The following TMEFF1 variants were observed in gnomAD, a reference collection of about 807,000 sequenced individuals.
The protein encoded by TMEFF1 is tomoregulin-1.
TMEFF1 carries 20 observed loss-of-function variants against 47.5 expected under a neutral mutation model. The ratio of observed to expected loss-of-function variants is 0.42; its 90% CI spans 0.30 to 0.61. The LOEUF (loss-of-function observed/expected upper bound fraction) is 0.61, where lower values mean the gene tolerates loss of function less well. Among genes scored for constraint, TMEFF1 ranks in the 20% least tolerant of loss-of-function variants. The pLI is 0.19. For missense variants in TMEFF1, 411 were observed against 471.1 expected (o/e 0.87, Z 1.18); for synonymous variants, 162 against 166.3 (o/e 0.97, Z 0.20).
intron 7 of TMEFF1, among the ~76,000 whole-genome samples, chr9:100,560,725 C>T (rs1839000121): frequency 6.6e-6 from 1 of 152,162 alleles, no homozygotes; most frequent in Non-Finnish European, 1.5e-5. Flanking sequence ...AGATGTTCAT[C>T]AACATGTTGA....
intron 1 of TMEFF1, among the ~76,000 whole-genome samples, chr9:100,498,336 T>C (rs1260731702): frequency 6.6e-6 from 1 of 152,214 alleles, no homozygotes; most frequent in Non-Finnish European, 1.5e-5. Flanking sequence ...CATACCAAAA[T>C]AATTAAGATA....
chr9:100,506,042 A>G (rs1020181055), intron 2 of TMEFF1, among the ~76,000 whole-genome samples: 1 of 152,258 alleles, frequency 6.6e-6, no homozygotes, highest in African/African-American at 2.4e-5. Context: ...AAATAAAAAT[A>G]TAATTTTAAG....
chr9:100,550,175 A>G lies in TMEFF1; in HGVS notation c.775+15A>G. On this transcript the variant is annotated intron_variant, in intron 7 of 9. Transcript: ENST00000374879. The stretch of plus-strand genomic sequence containing the variant: ...AGATGTGAAAGGTACTGAATCATGC[A>G]TCTCCAAATTTTGGCCAGCTATGGA... 1.9e-6 allele frequency: 3 copies of G among 1,605,508 alleles called. No individual in the cohort carries two copies. Among genetic ancestry groups the G allele is most frequent in the Non-Finnish European group, 2.5e-6 (3 of 1,177,282 alleles).
Position 100,556,579 on chromosome 9 carries a change from A to G in TMEFF1, c.776-4818A>G, listed in dbSNP as rs185254249. Among the ~76,000 whole-genome samples, 275 of 152,312 alleles carry G rather than the reference A, an allele frequency of 1.8e-3. 1 individual carries two copies. Among genetic ancestry groups the G allele is most frequent in the Non-Finnish European group, 3.3e-3 (225 of 68,032 alleles). On this transcript the variant is annotated intron_variant, in intron 7 of 9. Transcript: ENST00000374879. Reference sequence around the variant, plus strand: ...AAGTTGAAGCGAGGTTTCATTCAACATAAAGAAAATCTGATGGTATTAGAA... The same window carrying G: ...AAGTTGAAGCGAGGTTTCATTCAACGTAAAGAAAATCTGATGGTATTAGAA...
chr9:100,496,048 C>T (rs1322128441), intron 1 of TMEFF1, among the ~76,000 whole-genome samples: 1 of 152,198 alleles, frequency 6.6e-6, no homozygotes, highest in African/African-American at 2.4e-5. Context: ...GCTCCTTTCT[C>T]CCCATGTATT....
At chr9:100,564,185 T>C (rs7850353) in intron 8 of TMEFF1, among the ~76,000 whole-genome samples, 37,605 of 152,026 alleles carry the variant, frequency 0.25, 5,381 homozygotes, top group African/African-American at 0.38. Flanking sequence ...AGCGATTCTC[T>C]TGCCTCAGCC....
chr9:100,543,824 C>A (rs1203068997), intron 5 of TMEFF1, among the ~76,000 whole-genome samples: 3 of 151,878 alleles, frequency 2.0e-5, no homozygotes, highest in African/African-American at 7.3e-5. Flanking sequence ...GTGGGTTGGA[C>A]AAGCTTGGCC....
At chr9:100,570,428 A>T (rs1839211509) in intron 8 of TMEFF1, among the ~76,000 whole-genome samples, 1 of 151,962 alleles carries the variant, frequency 6.6e-6, no homozygotes, top group African/African-American at 2.4e-5. Context: ...TTACGTTTAG[A>T]TCTGCGATCC....
intron 5 of TMEFF1, among the ~76,000 whole-genome samples, chr9:100,523,500 T>G (rs570820817): frequency 6.6e-4 from 101 of 152,332 alleles, no homozygotes; most frequent in African/African-American, 2.4e-3. Context: ...TTTGTTGAAT[T>G]AGTGGCAATC....
At position 100,547,590 on chromosome 9, in the gene TMEFF1, G is replaced by A. The variant is rs150291020; in HGVS notation, c.561-154G>A. On this transcript the variant is annotated intron_variant, in intron 5 of 9. Transcript: ENST00000374879. ...TAAATCCTCACCTAAAATTTTTTTA[G>A]GTATTTACTTTGCTTAAGCTTTCAT... 5.1e-3 allele frequency among the ~76,000 whole-genome samples: 777 copies of A among 152,092 alleles called. 4 individuals are homozygous for A. The highest frequency in any genetic ancestry group is 0.011 in the Admixed American group (174 of 15,280).
Position 100,473,982 on chromosome 9 carries a change from G to T in TMEFF1, c.196+242G>T, listed in dbSNP as rs1389755533. Among the ~76,000 whole-genome samples, 2 of 151,780 alleles carry T rather than the reference G, an allele frequency of 1.3e-5. No homozygotes were observed. Among genetic ancestry groups the T allele is most frequent in the African/African-American group, 4.9e-5 (2 of 41,234 alleles). On this transcript the variant is annotated intron_variant, in intron 1 of 9. Transcript: ENST00000374879. The surrounding 1 kb of genome is among the most constrained non-coding windows in gnomAD (Gnocchi z 5.4). ...CGAGTGGCTGGGCGAGGGCGGCCCG[G>T]CGTGTGGGGAGGCGGTGGGGCCGGG...
intron 1 of TMEFF1, among the ~76,000 whole-genome samples, chr9:100,491,912 G>A (rs1356483662): frequency 1.4e-5 from 2 of 141,674 alleles, no homozygotes; most frequent in Admixed American, 7.4e-5. Context: ...ACAGAGTCTC[G>A]CTCTGTAGCC....
chr9:100,512,413 T>C (rs188210804), intron 3 of TMEFF1, among the ~76,000 whole-genome samples: 97 of 152,286 alleles, frequency 6.4e-4, no homozygotes, highest in Admixed American at 1.4e-3. Flanking sequence ...GGGAACAATA[T>C]TGTTCTGAGT....
chr9:100,555,857 A>C (rs1046545265), intron 7 of TMEFF1, among the ~76,000 whole-genome samples: 2 of 152,164 alleles, frequency 1.3e-5, no homozygotes, highest in East Asian at 3.9e-4. Flanking sequence ...GTGCTTTCAC[A>C]TATTTATGTT....
At chr9:100,531,991 A>G (rs1838391089) in intron 5 of TMEFF1, among the ~76,000 whole-genome samples, 1 of 151,122 alleles carries the variant, frequency 6.6e-6, no homozygotes, top group African/African-American at 2.4e-5. Context: ...GCAATGGGGA[A>G]AGGATTCCCT....
intron 4 of TMEFF1, among the ~76,000 whole-genome samples, chr9:100,514,690 C>CAAA (rs10549105): frequency 9.8e-6 from 1 of 101,628 alleles, no homozygotes; most frequent in Admixed American, 1.1e-4. Flanking sequence ...GTCTCTACCC[C>CAAA]AAAAAAAAAA....
At chr9:100,543,530 A>G (rs557638263) in intron 5 of TMEFF1, among the ~76,000 whole-genome samples, 12 of 152,122 alleles carry the variant, frequency 7.9e-5, no homozygotes, top group Non-Finnish European at 1.0e-4. Context: ...GTGGAAAATC[A>G]TTTAGGTCTA....
At chr9:100,500,162 C>T (rs978394828) in intron 2 of TMEFF1, among the ~76,000 whole-genome samples, 1 of 152,106 alleles carries the variant, frequency 6.6e-6, no homozygotes, top group Non-Finnish European at 1.5e-5. Flanking sequence ...GAACTGTTTT[C>T]CCCCTGAACC....
chr9:100,568,489 C>T (rs1233046679), intron 8 of TMEFF1, among the ~76,000 whole-genome samples: 1 of 152,162 alleles, frequency 6.6e-6, no homozygotes, highest in African/African-American at 2.4e-5. Context: ...CCTTAAGTTT[C>T]ATAACAGTAA....
Sources: gnomAD v4.1 joint callset for allele counts (sites outside exome capture counted in the v4.1 genomes callset) on GRCh38, gnomAD v4.1.1 for gene constraint, Gnocchi (gnomAD v3.1) non-coding constraint, MANE v1.5 for transcripts, NCBI Gene and HGNC (gene_info 2026-07-23, HGNC 2026-07-21) for gene names.